GPM6A: variants seen among roughly 807,000 people sequenced by gnomAD.
The protein encoded by GPM6A is glycoprotein M6A, also known as neuronal membrane glycoprotein M6-a.
Under a neutral mutation model 32.1 loss-of-function variants are expected in GPM6A, and 7 were observed. That is an observed-to-expected ratio of 0.22 (90% CI 0.12 to 0.41). The LOEUF (loss-of-function observed/expected upper bound fraction) is 0.41. GPM6A is among the 10% of genes least tolerant of loss of function. The pLI, the probability that GPM6A is intolerant of heterozygous loss-of-function variation, is 1.00. For missense variants in GPM6A, 235 were observed against 347.2 expected (o/e 0.68, Z 2.57); for synonymous variants, 130 against 123.4 (o/e 1.05, Z -0.35).
At chr4:175,729,342 C>G (rs1731314130) in intron 1 of GPM6A, among the ~76,000 whole-genome samples, 2 of 152,114 alleles carry the variant, frequency 1.3e-5, no homozygotes. Flanking sequence ...GAATGCCCCT[C>G]TCTCCCCGGT....
chr4:175,759,311 GA>G (rs756982767), intron 1 of GPM6A, among the ~76,000 whole-genome samples: 118 of 152,164 alleles, frequency 7.8e-4, no homozygotes, highest in Admixed American at 1.0e-3. Context: ...GGGGGCAAGA[GA>G]AAATAGTGAT....
chr4:175,744,117 G>C (rs1732000595), intron 1 of GPM6A, among the ~76,000 whole-genome samples: 1 of 152,032 alleles, frequency 6.6e-6, no homozygotes. Flanking sequence ...ATAGGCCGTA[G>C]AGTAAGTAAT....
intron 2 of GPM6A, among the ~76,000 whole-genome samples, chr4:175,680,118 CAT>C (rs1171522040): frequency 6.6e-6 from 1 of 152,104 alleles, no homozygotes; most frequent in African/African-American, 2.4e-5. Flanking sequence ...ACTATATAAA[CAT>C]ATCTATATAT....
intron 2 of GPM6A, among the ~76,000 whole-genome samples, chr4:175,699,203 C>A (rs1282219418): frequency 6.6e-6 from 1 of 152,058 alleles, no homozygotes; most frequent in Admixed American, 6.6e-5. Context: ...TAAAATATAT[C>A]CATGCAATCA....
chr4:175,707,635 T>G (rs1226247250), intron 1 of GPM6A, among the ~76,000 whole-genome samples: 1 of 152,134 alleles, frequency 6.6e-6, no homozygotes, highest in African/African-American at 2.4e-5. Flanking sequence ...TTGGGCTTTA[T>G]TTCTTTTTTT....
At chr4:175,740,126 A>G (rs930317188) in intron 1 of GPM6A, among the ~76,000 whole-genome samples, 1 of 152,060 alleles carries the variant, frequency 6.6e-6, no homozygotes, top group Non-Finnish European at 1.5e-5. Flanking sequence ...AGGCTAGCAT[A>G]TTAAATATAT....
intron 1 of GPM6A, among the ~76,000 whole-genome samples, chr4:175,748,363 G>A (rs1012188879): frequency 6.6e-6 from 1 of 152,134 alleles, no homozygotes; most frequent in Non-Finnish European, 1.5e-5. Flanking sequence ...TAAATAATAA[G>A]GTTTGAAAGT....
chr4:175,685,360 A>G (rs1023961828), intron 2 of GPM6A, among the ~76,000 whole-genome samples: 8 of 152,170 alleles, frequency 5.3e-5, no homozygotes, highest in Non-Finnish European at 8.8e-5. Context: ...GTTCAAATCT[A>G]CTTTTACATC....
chr4:175,698,287 T>C (rs1266629320), intron 2 of GPM6A, among the ~76,000 whole-genome samples: 1 of 152,176 alleles, frequency 6.6e-6, no homozygotes, highest in Non-Finnish European at 1.5e-5. Context: ...GAACTAAGTA[T>C]GAGAACTATG....
intron 1 of GPM6A, among the ~76,000 whole-genome samples, chr4:175,943,013 A>T (rs1739464978): frequency 6.6e-6 from 1 of 152,096 alleles, no homozygotes; most frequent in East Asian, 1.9e-4. Flanking sequence ...CTATCCATTA[A>T]CATGGAGTGT....
intron 1 of GPM6A, among the ~76,000 whole-genome samples, chr4:175,827,031 A>G (rs1480832191): frequency 1.3e-5 from 2 of 152,210 alleles, no homozygotes; most frequent in African/African-American, 4.8e-5. Flanking sequence ...TTTTAGGTAC[A>G]AGATCTCATT....
intron 1 of GPM6A, among the ~76,000 whole-genome samples, chr4:175,833,152 G>A (rs1354467337): frequency 6.6e-6 from 1 of 152,266 alleles, no homozygotes; most frequent in Middle Eastern, 3.4e-3. Context: ...GTCTTCTCTG[G>A]AGAGGCTCTT....
chr4:175,637,160 A>G (rs1740693081), intron 6 of GPM6A, among the ~76,000 whole-genome samples: 1 of 100,168 alleles, frequency 1.0e-5, no homozygotes, highest in Non-Finnish European at 1.8e-5. Context: ...TATATGTCAC[A>G]TATAATATAT....
intron 6 of GPM6A, 129 bp downstream of exon 6, chr4:175,640,000 T>G (rs1741043512): frequency 1.3e-6 from 1 of 795,184 alleles, no homozygotes; most frequent in East Asian, 2.5e-5. Context: ...TTTTCCCTAC[T>G]TTTTTTAATC....
At chr4:175,987,700 T>C (rs932678214) in intron 1 of GPM6A, among the ~76,000 whole-genome samples, 1 of 152,166 alleles carries the variant, frequency 6.6e-6, no homozygotes, top group African/African-American at 2.4e-5. Flanking sequence ...TTAGGGATAA[T>C]AGATCCTTTC....
At chr4:175,770,644 A>G (rs1463237715) in intron 1 of GPM6A, among the ~76,000 whole-genome samples, 4 of 151,782 alleles carry the variant, frequency 2.6e-5, no homozygotes, top group Non-Finnish European at 5.9e-5. Context: ...CCTTTTCAAA[A>G]TTTTCCCATG....
At chr4:175,867,092 T>C (rs879939567) in intron 1 of GPM6A, among the ~76,000 whole-genome samples, 15 of 152,190 alleles carry the variant, frequency 9.9e-5, no homozygotes, top group African/African-American at 1.9e-4. Context: ...GCCTACTTTT[T>C]AACGGGGATT....
intron 1 of GPM6A, among the ~76,000 whole-genome samples, chr4:175,954,658 T>C (rs1739926291): frequency 6.6e-6 from 1 of 152,184 alleles, no homozygotes; most frequent in Admixed American, 6.5e-5. Context: ...ATGGAAGTCA[T>C]CATTTCTGTT....
chr4:175,974,521 CTAAATGACACT>C, intron 1 of GPM6A, among the ~76,000 whole-genome samples: 1 of 147,478 alleles, frequency 6.8e-6, no homozygotes, highest in East Asian at 2.1e-4. Context: ...ATGCCCAGCC[CTAAATGACACT>C]TAAAGGGCAA....
Sources: allele counts gnomAD v4.1 joint callset (sites outside exome capture counted in the v4.1 genomes callset), GRCh38; gene constraint gnomAD v4.1.1; transcripts MANE v1.5; gene names NCBI Gene and HGNC (gene_info 2026-07-23, HGNC 2026-07-21).